PAG1: variants seen among roughly 807,000 people sequenced by gnomAD.
The protein encoded by PAG1 is phosphoprotein associated with glycosphingolipid-enriched microdomains 1.
PAG1 carries 23 observed loss-of-function variants against 31.7 expected under a neutral mutation model. The ratio of observed to expected loss-of-function variants is 0.73; its 90% confidence interval spans 0.52 to 1.03. The LOEUF (loss-of-function observed/expected upper bound fraction) is 1.03. PAG1 is among the 50% of genes least tolerant of loss of function. PAG1 has a pLI of 0.00. For synonymous variants in PAG1, 214 were observed against 210.3 expected (o/e 1.02, Z -0.15); for missense variants, 473 against 540.7 (o/e 0.87, Z 1.24).
intron 2 of PAG1, among the ~76,000 whole-genome samples, chr8:81,062,563 A>G (rs960928513): frequency 6.6e-6 from 1 of 152,154 alleles, no homozygotes; most frequent in African/African-American, 2.4e-5. Flanking sequence ...CATAAATCTC[A>G]ATCTTTTGGT....
At chr8:81,096,749 T>A (rs1384698344) in intron 1 of PAG1, among the ~76,000 whole-genome samples, 1 of 152,176 alleles carries the variant, frequency 6.6e-6, no homozygotes. Context: ...CAAAGTAGGA[T>A]GCCCAGTTAA....
chr8:81,056,500 G>A (rs976117832), intron 2 of PAG1, among the ~76,000 whole-genome samples: 1 of 152,066 alleles, frequency 6.6e-6, no homozygotes, highest in African/African-American at 2.4e-5. Flanking sequence ...ATGGTGCTGG[G>A]AAAACTGGCT....
chr8:81,100,813 C>T (rs1043391940), intron 1 of PAG1, among the ~76,000 whole-genome samples: 1 of 152,160 alleles, frequency 6.6e-6, no homozygotes, highest in African/African-American at 2.4e-5. Context: ...TGTGGAGAAG[C>T]AAAAGCTAAT....
intron 2 of PAG1, among the ~76,000 whole-genome samples, chr8:81,056,325 C>T (rs142354466): frequency 0.24 from 36,546 of 151,948 alleles, 5,227 homozygotes; most frequent in African/African-American, 0.39. Flanking sequence ...AACTATACTA[C>T]GAGGCTACAG....
intron 3 of PAG1, among the ~76,000 whole-genome samples, chr8:81,004,111 C>T (rs1807833914): frequency 6.6e-6 from 1 of 152,172 alleles, no homozygotes; most frequent in Non-Finnish European, 1.5e-5. Context: ...AGTAGCCTTT[C>T]AACAAAATGC....
intron 2 of PAG1, among the ~76,000 whole-genome samples, chr8:81,069,496 A>T (rs549438865): frequency 3.6e-4 from 55 of 152,364 alleles, no homozygotes; most frequent in African/African-American, 1.3e-3. Flanking sequence ...AATTTCTAAA[A>T]TAAAAGACAG....
chr8:81,000,031 G>C (rs1268616478), intron 3 of PAG1, among the ~76,000 whole-genome samples: 1 of 152,188 alleles, frequency 6.6e-6, no homozygotes, highest in Non-Finnish European at 1.5e-5. Context: ...GTTCTACACT[G>C]ACTGCATAAG....
chr8:81,067,072 G>C (rs1189356621), intron 2 of PAG1, among the ~76,000 whole-genome samples: 1 of 152,172 alleles, frequency 6.6e-6, no homozygotes, highest in Non-Finnish European at 1.5e-5. Flanking sequence ...TGAAGTAGGA[G>C]GATCTCTTGA....
At chr8:81,005,311 T>C (rs1028945223) in intron 3 of PAG1, among the ~76,000 whole-genome samples, 6 of 152,206 alleles carry the variant, frequency 3.9e-5, no homozygotes, top group Admixed American at 3.9e-4. Context: ...TATGTATGTA[T>C]GTATGTATTT....
intron 4 of PAG1, 111 bp downstream of exon 4, chr8:80,992,992 T>C (rs1807584523): frequency 1.1e-6 from 1 of 910,060 alleles, no homozygotes; most frequent in African/African-American, 1.7e-5. Context: ...CACAAGTTTC[T>C]GGGACGGCTC....
chr8:81,041,587 T>C (rs1808555737), intron 2 of PAG1, among the ~76,000 whole-genome samples: 1 of 152,208 alleles, frequency 6.6e-6, no homozygotes, highest in African/African-American at 2.4e-5. Flanking sequence ...TGTGCAGTGT[T>C]ATGTCTGGAA....
chr8:81,064,167 A>G (rs571566537), intron 2 of PAG1, among the ~76,000 whole-genome samples: 5 of 152,350 alleles, frequency 3.3e-5, no homozygotes, highest in African/African-American at 1.2e-4. Context: ...TTCTGGCACC[A>G]GGGACCGGTT....
At position 81,050,580 on chromosome 8, in the gene PAG1, T is replaced by TA. The variant is rs887410472; in HGVS notation, c.-175+19531dup. Among the ~76,000 whole-genome samples the TA allele has an allele frequency of 1.2e-3, 180 of 148,686 alleles. No individual in the cohort carries two copies. In the Middle Eastern group the frequency reaches 0.014, roughly 11 times the overall value. ...GAGAGACCAAAGCTTAGTCCTGAAA[T>TA]AAAAAAAAAATGGTACTCACAGTCC... On this transcript the variant is annotated intron_variant, in intron 2 of 8. Transcript: ENST00000220597.
At chr8:81,067,318 T>C (rs73694043) in intron 2 of PAG1, among the ~76,000 whole-genome samples, 12 of 152,334 alleles carry the variant, frequency 7.9e-5, no homozygotes, top group Non-Finnish European at 1.3e-4. Flanking sequence ...ATCGTGACTA[T>C]GTATATGCTT....
chr8:81,022,814 A>G (rs1808213215), intron 3 of PAG1, among the ~76,000 whole-genome samples: 1 of 152,170 alleles, frequency 6.6e-6, no homozygotes, highest in African/African-American at 2.4e-5. Context: ...AGATTTTTCT[A>G]TGATGTGGAC....
chr8:81,029,718 A>G (rs1349604064), intron 3 of PAG1: 1 of 152,224 alleles, frequency 6.6e-6, no homozygotes, highest in East Asian at 1.9e-4. Flanking sequence ...TAACACGAAG[A>G]AAAAAGGCCA....
At chr8:81,068,290 T>C (rs1210117091) in intron 2 of PAG1, among the ~76,000 whole-genome samples, 1 of 152,174 alleles carries the variant, frequency 6.6e-6, no homozygotes, top group Admixed American at 6.5e-5. Flanking sequence ...TGAAAATGGG[T>C]TGGGACAATT....
At chr8:81,017,573 G>A (rs1271165066) in intron 3 of PAG1, among the ~76,000 whole-genome samples, 3 of 152,148 alleles carry the variant, frequency 2.0e-5, no homozygotes, top group South Asian at 2.1e-4. Flanking sequence ...CAAGCAACAC[G>A]TGCTTTCTGC....
chr8:81,035,759 C>A (rs1808452337), intron 2 of PAG1, among the ~76,000 whole-genome samples: 2 of 152,096 alleles, frequency 1.3e-5, no homozygotes, highest in Non-Finnish European at 2.9e-5. Context: ...TGAAGAAGCA[C>A]TTCATCAGTG....
Sources: gnomAD v4.1 joint callset for allele counts (sites outside exome capture counted in the v4.1 genomes callset) on GRCh38, gnomAD v4.1.1 for gene constraint, MANE v1.5 for transcripts, NCBI Gene and HGNC (gene_info 2026-07-23, HGNC 2026-07-21) for gene names.